GRK3: variants seen among roughly 807,000 people sequenced by gnomAD.
GRK3 encodes the protein G protein-coupled receptor kinase 3, also known as adrenergic, beta, receptor kinase 2.
GRK3 carries 54 observed loss-of-function variants against 95.7 expected under a neutral mutation model. The ratio of observed to expected loss-of-function variants is 0.56; its 90% CI spans 0.45 to 0.71. GRK3 has a LOEUF of 0.71. GRK3 is among the 30% of genes least tolerant of loss of function. The probability of loss-of-function intolerance (pLI) is 0.00; values close to 1 mark genes in which losing one functional copy is unlikely to be tolerated. For missense variants in GRK3, 649 were observed against 851.2 expected (o/e 0.76, Z 2.96); for synonymous variants, 281 against 290.8 (o/e 0.97, Z 0.34).
chr22:25,583,113 G>T (rs1932161178), intron 1 of GRK3, among the ~76,000 whole-genome samples: 1 of 152,196 alleles, frequency 6.6e-6, no homozygotes, highest in Admixed American at 6.5e-5. Flanking sequence ...GAAGAGAGGG[G>T]GTAGGAGGCC....
intron 2 of GRK3, among the ~76,000 whole-genome samples, chr22:25,610,244 C>T (rs1424621705): frequency 6.6e-6 from 1 of 152,138 alleles, no homozygotes; most frequent in East Asian, 1.9e-4. Flanking sequence ...AGGAGGATCA[C>T]TTGAGGCCAG....
intron 20 of GRK3, among the ~76,000 whole-genome samples, chr22:25,721,696 C>T (rs1251076561): frequency 6.6e-6 from 1 of 152,128 alleles, no homozygotes; most frequent in South Asian, 2.1e-4. Context: ...TCGGCATGTT[C>T]GATGTTAAGG....
intron 18 of GRK3, among the ~76,000 whole-genome samples, chr22:25,716,314 C>A (rs1203688120): frequency 6.6e-6 from 1 of 152,110 alleles, no homozygotes; most frequent in Admixed American, 6.5e-5. Flanking sequence ...AGAACCGGTC[C>A]ATTGTGATCA....
intron 2 of GRK3, among the ~76,000 whole-genome samples, chr22:25,609,577 G>T (rs376487112): frequency 6.6e-6 from 1 of 151,878 alleles, no homozygotes; most frequent in Non-Finnish European, 1.5e-5. Flanking sequence ...TGATCTGCCC[G>T]CCTGGGCCTC....
intron 3 of GRK3, among the ~76,000 whole-genome samples, chr22:25,649,624 AATAAAATCTAAAATTAAAGAAT>A (rs1378404411): frequency 6.6e-6 from 1 of 152,238 alleles, no homozygotes; most frequent in Non-Finnish European, 1.5e-5. Flanking sequence ...GCTATACCAT[AATAAAATCTAAAATTAAAGAAT>A]ATCATGGGAC....
At chr22:25,721,108 T>C (rs186940833) in intron 19 of GRK3, among the ~76,000 whole-genome samples, 176 bp from the exon 20 acceptor site, 22 of 152,362 alleles carry the variant, frequency 1.4e-4, no homozygotes, top group Non-Finnish European at 2.8e-4. Flanking sequence ...CATTATAATT[T>C]GAACTTTTGT....
chr22:25,628,932 A>G (rs902556687), intron 2 of GRK3, among the ~76,000 whole-genome samples: 8 of 152,156 alleles, frequency 5.3e-5, no homozygotes, highest in African/African-American at 1.7e-4. Flanking sequence ...CCCTGAAAAG[A>G]TGGAAGAAAC....
Position 25,724,316 on chromosome 22 carries a change from A to G in GRK3, c.*1866A>G, listed in dbSNP as rs1239999247. On this transcript the variant is annotated 3_prime_UTR_variant, in exon 21 of 21. Transcript: ENST00000324198. The stretch of plus-strand genomic sequence containing the variant: ...CTCATGCCTGTTCTAGATCTCCAGG[A>G]TAAAGGGCCTGCTGTTGACTCCACC... 6.6e-6 allele frequency: 1 copy of G among 152,218 alleles called. No individual in the cohort carries two copies. Among genetic ancestry groups the G allele is most frequent in the Non-Finnish European group, 1.5e-5 (1 of 68,068 alleles). The allele number at this position is 152,218 out of a possible 1,614,324, so 9.4% of individuals were successfully genotyped here.
chr22:25,633,043 T>G (rs1329263350), intron 2 of GRK3, among the ~76,000 whole-genome samples: 1 of 152,032 alleles, frequency 6.6e-6, no homozygotes, highest in Admixed American at 6.6e-5. Context: ...CCCAAGTAGC[T>G]GGGATTACAG....
chr22:25,701,090 C>T (rs1569202335), intron 13 of GRK3, among the ~76,000 whole-genome samples: 1 of 152,170 alleles, frequency 6.6e-6, no homozygotes, highest in Non-Finnish European at 1.5e-5. Flanking sequence ...CAGAAAGCTG[C>T]ACTTGACCAC....
At chr22:25,720,181 A>T (rs1394486706) in intron 19 of GRK3, among the ~76,000 whole-genome samples, 3 of 152,124 alleles carry the variant, frequency 2.0e-5, no homozygotes, top group Non-Finnish European at 2.9e-5. Context: ...CCCACTTTTC[A>T]GGCTGTTTGA....
At chr22:25,629,460 G>A (rs2084649658) in intron 2 of GRK3, among the ~76,000 whole-genome samples, 2 of 152,208 alleles carry the variant, frequency 1.3e-5, no homozygotes, top group African/African-American at 4.8e-5. Flanking sequence ...AGGCAACTAC[G>A]GTTACTAGTT....
chr22:25,674,307 GT>G (rs978350090), intron 7 of GRK3, 129 bp from the exon 8 acceptor site: 9 of 671,286 alleles, frequency 1.3e-5, no homozygotes, highest in Non-Finnish European at 2.2e-5. Context: ...TAAAGACTCA[GT>G]CATGAAAAGG....
intron 12 of GRK3, among the ~76,000 whole-genome samples, chr22:25,692,145 T>G (rs185405427): frequency 1.3e-5 from 2 of 152,172 alleles, no homozygotes; most frequent in East Asian, 3.9e-4. Flanking sequence ...AAAAGAAATA[T>G]TTTTTAAAGA....
chr22:25,594,619 T>C (rs192417823), intron 1 of GRK3, among the ~76,000 whole-genome samples: 53 of 152,262 alleles, frequency 3.5e-4, no homozygotes, highest in Middle Eastern at 3.4e-3. Context: ...TGGCTCACGC[T>C]TGTAATCCCA....
At chr22:25,714,307 T>C (rs1052109257) in intron 17 of GRK3, 101 bp from the exon 18 acceptor site, 1 of 950,014 alleles carries the variant, frequency 1.1e-6, no homozygotes, top group African/African-American at 1.7e-5. Flanking sequence ...GTCATCTTCC[T>C]ATATAGAGTT....
At chr22:25,598,056 AG>A (rs1406985742) in intron 1 of GRK3, among the ~76,000 whole-genome samples, 1 of 152,210 alleles carries the variant, frequency 6.6e-6, no homozygotes, top group Non-Finnish European at 1.5e-5. Context: ...GTAATGTAAA[AG>A]CCATCGAATG....
At chr22:25,706,648 A>G (rs895664761) in intron 15 of GRK3, among the ~76,000 whole-genome samples, 1 of 151,970 alleles carries the variant, frequency 6.6e-6, no homozygotes, top group African/African-American at 2.4e-5. Flanking sequence ...CTCCTGCCTC[A>G]GCTTCCCGAG....
chr22:25,593,255 C>T (rs866864450), intron 1 of GRK3, among the ~76,000 whole-genome samples: 1 of 151,940 alleles, frequency 6.6e-6, no homozygotes. Flanking sequence ...TGGGAAATCT[C>T]CAAACAGCTT....
Sources: allele counts gnomAD v4.1 joint callset (sites outside exome capture counted in the v4.1 genomes callset), GRCh38; gene constraint gnomAD v4.1.1; transcripts MANE v1.5; gene names NCBI Gene and HGNC (gene_info 2026-07-23, HGNC 2026-07-21).